OR1J2: variants seen among roughly 807,000 people sequenced by gnomAD.
OR1J2 encodes olfactory receptor 1J2.
For missense variants in OR1J2, 304 were observed against 246.1 expected (o/e 1.24, Z -1.57); for synonymous variants, 142 against 99.7 (o/e 1.42, Z -2.52).
At chr9:122,553,145 T>C in the OR1J2 span, 1 of 1,543,018 alleles carries the variant, frequency 6.5e-7, no homozygotes, top group Non-Finnish European at 8.8e-7. Flanking sequence ...ATCTGTAAAT[T>C]GATCTAATAA....
chr9:122,477,601 T>C, the OR1J2 span: 3 of 1,614,136 alleles, frequency 1.9e-6, no homozygotes, highest in Non-Finnish European at 2.5e-6. Flanking sequence ...ACTGTCTAAG[T>C]CAGCAAAAAA....
the OR1J2 span, chr9:122,567,322 A>G: frequency 2.4e-6 from 1 of 408,674 alleles, no homozygotes; most frequent in African/African-American, 2.0e-5. Context: ...TGGAAAAAAT[A>G]AATCTTTCCA....
the OR1J2 span, among the ~76,000 whole-genome samples, chr9:122,491,766 T>C: frequency 6.6e-6 from 1 of 152,146 alleles, no homozygotes; most frequent in Admixed American, 6.5e-5. Flanking sequence ...GATTCAACAT[T>C]GAAGCTTTGG....
At chr9:122,527,243 C>T in the OR1J2 span, 17,050 of 1,613,070 alleles carry the variant, frequency 0.011, 115 homozygotes, top group Non-Finnish European at 0.012. Flanking sequence ...GCTCTGGAGG[C>T]GCTGATATTC....
the OR1J2 span, chr9:122,447,565 A>G: frequency 6.6e-6 from 1 of 152,024 alleles, no homozygotes; most frequent in Non-Finnish European, 1.5e-5. Flanking sequence ...AAATGAGACA[A>G]GGGCTTGTTC....
chr9:122,456,001 A>G, the OR1J2 span, among the ~76,000 whole-genome samples: 682 of 152,324 alleles, frequency 4.5e-3, 15 homozygotes, highest in Non-Finnish European at 4.5e-3. Context: ...TCAATTGACC[A>G]TACATATATG....
At chr9:122,488,313 A>G in the OR1J2 span, among the ~76,000 whole-genome samples, 1 of 151,886 alleles carries the variant, frequency 6.6e-6, no homozygotes, top group Non-Finnish European at 1.5e-5. Flanking sequence ...AATTTTTTGT[A>G]TTTTTAGTAG....
the OR1J2 span, among the ~76,000 whole-genome samples, chr9:122,552,039 A>ATTCTCTCTCTCTCTCT: frequency 1.1e-5 from 1 of 89,386 alleles, no homozygotes; most frequent in Non-Finnish European, 2.1e-5. Flanking sequence ...GGACACATAC[A>ATTCTCTCTCTCTCTCT]CACACACACA....
chr9:122,555,544 A>C, the OR1J2 span, among the ~76,000 whole-genome samples: 2 of 152,124 alleles, frequency 1.3e-5, no homozygotes, highest in Admixed American at 6.6e-5. Flanking sequence ...CTGACCTCTA[A>C]GATCCCCACC....
At chr9:122,497,926 C>G in the OR1J2 span, among the ~76,000 whole-genome samples, 2 of 152,256 alleles carry the variant, frequency 1.3e-5, no homozygotes, top group Non-Finnish European at 2.9e-5. Flanking sequence ...GCCTTGACTT[C>G]ATTGTTTACC....
upstream of OR1J2, among the ~76,000 whole-genome samples, chr9:122,509,552 T>G (rs1828592720): frequency 6.6e-6 from 1 of 152,220 alleles, no homozygotes; most frequent in Admixed American, 6.5e-5. Flanking sequence ...GATCTTTACT[T>G]TCTCAACATG....
At chr9:122,566,610 T>C in the OR1J2 span, among the ~76,000 whole-genome samples, 1 of 152,206 alleles carries the variant, frequency 6.6e-6, no homozygotes, top group Non-Finnish European at 1.5e-5. Context: ...CATTTCCCTA[T>C]TGAAAAGGTT....
the OR1J2 span, chr9:122,553,445 T>A: frequency 1.2e-6 from 2 of 1,614,194 alleles, no homozygotes; most frequent in Non-Finnish European, 1.7e-6. Context: ...GTTTCACTTC[T>A]GCCTCCATCC....
At chr9:122,485,155 A>G in the OR1J2 span, among the ~76,000 whole-genome samples, 1 of 152,140 alleles carries the variant, frequency 6.6e-6, no homozygotes, top group Non-Finnish European at 1.5e-5. Flanking sequence ...TGTAAACATG[A>G]GCCAACTTAA....
At chr9:122,449,245 C>T in the OR1J2 span, among the ~76,000 whole-genome samples, 1 of 152,180 alleles carries the variant, frequency 6.6e-6, no homozygotes, top group Non-Finnish European at 1.5e-5. Context: ...TCATTTCACA[C>T]TGGAATATGA....
the OR1J2 span, chr9:122,477,063 G>A: frequency 1.2e-6 from 2 of 1,614,038 alleles, no homozygotes; most frequent in South Asian, 1.1e-5. Context: ...GACTGTAAAT[G>A]AATGGGTTCA....
At chr9:122,538,078 A>G in the OR1J2 span, among the ~76,000 whole-genome samples, 1 of 152,000 alleles carries the variant, frequency 6.6e-6, no homozygotes, top group Non-Finnish European at 1.5e-5. Context: ...ATGTCTATGC[A>G]AGTCACCTGT....
At chr9:122,506,666 A>G (rs7864438), upstream of OR1J2, among the ~76,000 whole-genome samples, 2,767 of 152,242 alleles carry the variant, frequency 0.018, 82 homozygotes, top group African/African-American at 0.063. Context: ...ATAAGTGCAT[A>G]TAGACGAGGA....
the OR1J2 span, among the ~76,000 whole-genome samples, chr9:122,528,702 T>C: frequency 1.3e-5 from 2 of 152,224 alleles, no homozygotes. Flanking sequence ...AAACTAAAAC[T>C]GAAGGCTTCT....
Sources: gnomAD v4.1 joint callset for allele counts (sites outside exome capture counted in the v4.1 genomes callset) on GRCh38, gnomAD v4.1.1 for gene constraint, MANE v1.5 for transcripts, NCBI Gene and HGNC (gene_info 2026-07-23, HGNC 2026-07-21) for gene names.